Variants in TCF12 observed in about 807,000 individuals in gnomAD.
TCF12 encodes DNA-binding protein HTF4.
Under a neutral mutation model 86.0 loss-of-function variants are expected in TCF12, and 45 were observed. The observed-to-expected ratio is 0.52, with a 90% CI of 0.41 to 0.67. TCF12 has a LOEUF of 0.67. TCF12 is among the 30% of genes least tolerant of loss of function. The probability of loss-of-function intolerance (pLI) is 0.00; values close to 1 mark genes in which losing one functional copy is unlikely to be tolerated. For missense variants in TCF12, 881 were observed against 859.9 expected, an observed-to-expected ratio of 1.02 and a Z score of -0.31; for synonymous variants, 330 against 299.6, an observed-to-expected ratio of 1.10 and a Z score of -1.05.
intron 20 of TCF12, among the ~76,000 whole-genome samples, chr15:57,285,183 A>G (rs1307598158): frequency 3.3e-5 from 5 of 152,244 alleles, no homozygotes; most frequent in African/African-American, 1.2e-4. Flanking sequence ...TGACCACAGA[A>G]TGACTGGTTA....
At chr15:57,111,002 A>G (rs935048152) in intron 5 of TCF12, among the ~76,000 whole-genome samples, 5 of 152,248 alleles carry the variant, frequency 3.3e-5, no homozygotes, top group Admixed American at 2.0e-4. Context: ...ATGAGGAACC[A>G]TATTTACATT....
intron 8 of TCF12, among the ~76,000 whole-genome samples, chr15:57,229,767 A>C (rs1281644331): frequency 6.6e-6 from 1 of 151,902 alleles, no homozygotes; most frequent in East Asian, 1.9e-4. Context: ...TTTTATATAT[A>C]ATTTCATCTG....
At position 57,114,562 on chromosome 15, in the gene TCF12, T is replaced by A. The variant is rs1035303787; in HGVS notation, c.325+22671T>A. ...TTCCTTCCACTTGGGCCTCTGAAAG[T>A]GCTGGGATTACAGGTGTGAGCCACC... is the stretch of plus-strand genomic sequence containing the variant. On this transcript the variant is annotated intron_variant, in intron 5 of 20. Transcript: ENST00000333725. Among the ~76,000 whole-genome samples the A allele has an allele frequency of 1.8e-4, 27 of 152,262 alleles. 1 individual carries two copies. The highest frequency in any genetic ancestry group is 2.1e-4 in the Non-Finnish European group (14 of 68,012).
At chr15:56,949,323 A>G (rs1204650752) in intron 3 of TCF12, among the ~76,000 whole-genome samples, 2 of 152,240 alleles carry the variant, frequency 1.3e-5, no homozygotes, top group African/African-American at 4.8e-5. Flanking sequence ...CACTGAATGT[A>G]AACTCCTTTT....
At chr15:56,977,335 C>G (rs896832476) in intron 3 of TCF12, among the ~76,000 whole-genome samples, 8 of 152,096 alleles carry the variant, frequency 5.3e-5, no homozygotes, top group African/African-American at 1.9e-4. Context: ...GAGTTCGAGA[C>G]CAGCCTTGGC....
intron 3 of TCF12, among the ~76,000 whole-genome samples, chr15:57,007,736 G>T (rs774723621): frequency 8.7e-5 from 13 of 149,778 alleles, no homozygotes; most frequent in Non-Finnish European, 1.6e-4. Flanking sequence ...CAAGGAAAAT[G>T]ATGTAACAAA....
At chr15:57,143,563 A>G (rs1162850761) in intron 5 of TCF12, among the ~76,000 whole-genome samples, 1 of 152,274 alleles carries the variant, frequency 6.6e-6, no homozygotes. Flanking sequence ...CCATGTATAG[A>G]GAAGGAAAAA....
At position 57,152,793 on chromosome 15, in the gene TCF12, C is replaced by T. The variant is rs747045865; in HGVS notation, c.326-13609C>T. On this transcript the variant is annotated intron_variant, in intron 5 of 20. Coordinates refer to ENST00000333725, the MANE Select transcript of TCF12 (RefSeq NM_207037.2). Reference sequence around the variant, plus strand: ...TGAAGAGATAATGGCCAAGAATTTCCCAAAAGCAATGAAAGACATCAAACC... The same window carrying T: ...TGAAGAGATAATGGCCAAGAATTTCTCAAAAGCAATGAAAGACATCAAACC... Among the ~76,000 whole-genome samples the T allele has an allele frequency of 2.0e-5, 3 of 151,724 alleles. No homozygotes were observed. In the South Asian group the frequency reaches 6.3e-4, roughly 32 times the overall value.
intron 8 of TCF12, among the ~76,000 whole-genome samples, chr15:57,200,868 A>G (rs1387776566): frequency 6.6e-6 from 1 of 152,204 alleles, no homozygotes; most frequent in Non-Finnish European, 1.5e-5. Context: ...AGAGCAGTAT[A>G]GTCAGTAACA....
At chr15:57,265,162 GTTATTA>G (rs1304668592) in intron 18 of TCF12, among the ~76,000 whole-genome samples, 1 of 151,238 alleles carries the variant, frequency 6.6e-6, no homozygotes, top group Non-Finnish European at 1.5e-5. Flanking sequence ...AACATAATTA[GTTATTA>G]TTATTATCAA....
At chr15:57,148,431 C>G (rs1212858017) in intron 5 of TCF12, among the ~76,000 whole-genome samples, 1 of 148,320 alleles carries the variant, frequency 6.7e-6, no homozygotes, top group Non-Finnish European at 1.5e-5. Context: ...AAAAAATTGT[C>G]TAGTTTCCCT....
chr15:57,103,119 TAAAAAAAGTATACTGTTGCTCTAGTG>T (rs2049873841), intron 5 of TCF12, among the ~76,000 whole-genome samples: 1 of 152,062 alleles, frequency 6.6e-6, no homozygotes. Context: ...TGCACAGTAA[TAAAAAAAGTATACTGTTGCTCTAGTG>T]AAAATCGGTA....
chr15:56,919,171 CG>C (rs1595670867), intron 1 of TCF12: 3 of 151,754 alleles, frequency 2.0e-5, no homozygotes. Context: ...GCCCAGGCTC[CG>C]GGGCGCGCGG....
intron 3 of TCF12, among the ~76,000 whole-genome samples, chr15:56,973,858 A>G (rs1239177992): frequency 6.6e-6 from 1 of 152,138 alleles, no homozygotes; most frequent in Non-Finnish European, 1.5e-5. Context: ...AGCACTGAGA[A>G]GACACCATCA....
intron 3 of TCF12, among the ~76,000 whole-genome samples, chr15:56,974,682 A>G (rs1468027405): frequency 6.6e-6 from 1 of 152,072 alleles, no homozygotes; most frequent in African/African-American, 2.4e-5. Flanking sequence ...GTTTTTATAT[A>G]GGAGGAAAAT....
At chr15:57,064,484 A>C (rs1388144328) in intron 4 of TCF12, among the ~76,000 whole-genome samples, 1 of 152,116 alleles carries the variant, frequency 6.6e-6, no homozygotes, top group Non-Finnish European at 1.5e-5. Context: ...TTCTCTAGTA[A>C]ACTGACGAGG....
At chr15:57,073,671 A>G (rs1351517026) in intron 4 of TCF12, among the ~76,000 whole-genome samples, 8 of 152,206 alleles carry the variant, frequency 5.3e-5, no homozygotes, top group Non-Finnish European at 8.8e-5. Context: ...GCATTTGCCA[A>G]ATTATAAAAG....
Position 57,232,835 on chromosome 15 carries a change from A to G in TCF12, c.949A>G (p.Asn317Asp), listed in dbSNP as rs757351986. ...TGCTGCCTCACACACTCCTCCCATCAATGGATCAGACAGCATTCTAGGTGA... is the reference window on the plus strand; with the variant it reads ...TGCTGCCTCACACACTCCTCCCATCGATGGATCAGACAGCATTCTAGGTGA... ...YVAASHTPPI[N>D]GSDSILGTRG... The change falls in exon 11 of 21, where the codon AAT (asparagine) becomes GAT (aspartate). Residue 317 changes from asparagine (N) to aspartate (D), a missense_variant. Coordinates refer to ENST00000333725, the MANE Select transcript of TCF12 (RefSeq NM_207037.2). The G allele has an allele frequency of 3.1e-6, 5 of 1,603,790 alleles. No homozygotes were observed. Among genetic ancestry groups the G allele is most frequent in the Non-Finnish European group, 4.3e-6 (5 of 1,175,154 alleles).
At chr15:57,208,089 A>G (rs2151802015) in intron 8 of TCF12, among the ~76,000 whole-genome samples, 1 of 149,848 alleles carries the variant, frequency 6.7e-6, no homozygotes, top group East Asian at 2.0e-4. Context: ...GCTGGAGTAC[A>G]GTGGTGCGAT....
Sources: allele counts gnomAD v4.1 joint callset (sites outside exome capture counted in the v4.1 genomes callset), GRCh38; gene constraint gnomAD v4.1.1; transcripts MANE v1.5; gene names NCBI Gene and HGNC (gene_info 2026-07-23, HGNC 2026-07-21).